MALRD1: variants seen among roughly 807,000 people sequenced by gnomAD.
The protein encoded by MALRD1 is MAM and LDL receptor class A domain containing 1, also known as MAM and LDL-receptor class A domain-containing protein 1.
In MALRD1, 247 loss-of-function variants were observed where a neutral mutation model predicts 242.1. The ratio of observed to expected loss-of-function variants is 1.02; its 90% CI spans 0.92 to 1.13. MALRD1 has a LOEUF of 1.13. MALRD1 is among the 50% of genes most tolerant of loss of function. The pLI, the probability that MALRD1 is intolerant of heterozygous loss-of-function variation, is 0.00. For synonymous variants in MALRD1, 995 were observed against 866.6 expected (o/e 1.15, Z -2.60); for missense variants, 2,989 against 2,533.1 (o/e 1.18, Z -3.86).
intron 2 of MALRD1, among the ~76,000 whole-genome samples, chr10:19,076,008 A>G (rs188467627): frequency 1.3e-3 from 197 of 152,110 alleles, no homozygotes; most frequent in African/African-American, 4.6e-3. Flanking sequence ...GGAGACCTGG[A>G]TTCCCCTTAA....
At chr10:19,263,309 C>T (rs1839834482) in intron 19 of MALRD1, among the ~76,000 whole-genome samples, 1 of 152,158 alleles carries the variant, frequency 6.6e-6, no homozygotes, top group Non-Finnish European at 1.5e-5. Flanking sequence ...CACTAGCTAT[C>T]TTTTAACTTT....
intron 9 of MALRD1, among the ~76,000 whole-genome samples, chr10:19,135,988 A>T (rs12357088): frequency 0.078 from 11,886 of 152,282 alleles, 575 homozygotes; most frequent in Non-Finnish European, 0.11. Flanking sequence ...TTCTTTTCTC[A>T]TTAAAGAAAT....
At chr10:19,283,332 G>T (rs1840915889) in intron 21 of MALRD1, among the ~76,000 whole-genome samples, 151 bp downstream of exon 21, 1 of 152,076 alleles carries the variant, frequency 6.6e-6, no homozygotes, top group Non-Finnish European at 1.5e-5. Context: ...ATACAAAATG[G>T]AAAAATTATC....
intron 18 of MALRD1, among the ~76,000 whole-genome samples, chr10:19,245,045 C>T (rs1185657474): frequency 6.6e-6 from 1 of 152,114 alleles, no homozygotes; most frequent in East Asian, 1.9e-4. Context: ...CTGGAGCATA[C>T]CTCTTAGAAT....
intron 28 of MALRD1, among the ~76,000 whole-genome samples, chr10:19,423,785 C>T (rs11009835): frequency 0.076 from 11,597 of 152,190 alleles, 473 homozygotes; most frequent in East Asian, 0.13. Context: ...CCCTGAAGCA[C>T]TTCCTTCTGC....
At chr10:19,621,632 A>G (rs990605317) in intron 36 of MALRD1, among the ~76,000 whole-genome samples, 1 of 151,686 alleles carries the variant, frequency 6.6e-6, no homozygotes, top group African/African-American at 2.4e-5. Context: ...TAAAGAGGAA[A>G]ATGAAATAGT....
chr10:19,570,014 A>G (rs920721712), intron 33 of MALRD1, among the ~76,000 whole-genome samples: 8 of 152,048 alleles, frequency 5.3e-5, no homozygotes, highest in Admixed American at 2.6e-4. Flanking sequence ...TTGTGTGAAC[A>G]ACAACCTAAC....
intron 21 of MALRD1, among the ~76,000 whole-genome samples, chr10:19,286,965 A>G (rs1304512749): frequency 6.6e-6 from 1 of 151,658 alleles, no homozygotes; most frequent in Non-Finnish European, 1.5e-5. Flanking sequence ...CAAAAAGCTT[A>G]TCCACCATGA....
At chr10:19,341,432 CTATATGTA>C (rs1434585478) in intron 24 of MALRD1, among the ~76,000 whole-genome samples, 2 of 98,990 alleles carry the variant, frequency 2.0e-5, no homozygotes, top group East Asian at 5.1e-4. Context: ...TAAAATAACA[CTATATGTA>C]TATATATATA....
chr10:19,134,308 G>A (rs140733768), intron 9 of MALRD1, among the ~76,000 whole-genome samples: 403 of 152,318 alleles, frequency 2.6e-3, no homozygotes, highest in African/African-American at 9.2e-3. Context: ...TGTTTTGAAT[G>A]CAATAATTCA....
intron 21 of MALRD1, among the ~76,000 whole-genome samples, chr10:19,302,873 G>A (rs1368505738): frequency 6.6e-6 from 1 of 151,632 alleles, no homozygotes; most frequent in Non-Finnish European, 1.5e-5. Flanking sequence ...CTCAGATGAT[G>A]TGAAAATTAT....
chr10:19,681,796 TTCTC>T (rs904793997), intron 36 of MALRD1, among the ~76,000 whole-genome samples: 4 of 152,040 alleles, frequency 2.6e-5, no homozygotes, highest in Admixed American at 6.6e-5. Flanking sequence ...CTTCATGACT[TTCTC>T]TATCTTTTGT....
At chr10:19,331,116 T>C (rs114458242) in intron 23 of MALRD1, among the ~76,000 whole-genome samples, 1 of 152,216 alleles carries the variant, frequency 6.6e-6, no homozygotes, top group African/African-American at 2.4e-5. Context: ...TCTAGACCCA[T>C]ATCCTAAAAA....
chr10:19,297,684 G>A (rs2131945133), intron 21 of MALRD1, among the ~76,000 whole-genome samples: 1 of 151,838 alleles, frequency 6.6e-6, no homozygotes, highest in Non-Finnish European at 1.5e-5. Flanking sequence ...TACAAGATAT[G>A]AGAAATATTT....
intron 1 of MALRD1, among the ~76,000 whole-genome samples, chr10:19,063,639 G>C (rs1834886885): frequency 6.6e-6 from 1 of 152,024 alleles, no homozygotes; most frequent in African/African-American, 2.4e-5. Context: ...TGGCTACATA[G>C]TATTCCATGG....
chr10:19,162,621 C>T (rs1588633633), intron 12 of MALRD1, among the ~76,000 whole-genome samples: 1 of 152,098 alleles, frequency 6.6e-6, no homozygotes, highest in East Asian at 1.9e-4. Flanking sequence ...GAGATATCAT[C>T]TCACACCAGT....
At chr10:19,141,282 A>G (rs1833531895) in intron 10 of MALRD1, among the ~76,000 whole-genome samples, 1 of 152,200 alleles carries the variant, frequency 6.6e-6, no homozygotes, top group African/African-American at 2.4e-5. Context: ...AGCCAGAGAC[A>G]AAAGGACACA....
chr10:19,096,893 G>A (rs919063287), intron 4 of MALRD1, among the ~76,000 whole-genome samples: 7 of 152,228 alleles, frequency 4.6e-5, no homozygotes, highest in South Asian at 2.1e-4. Flanking sequence ...ACTCTCACCT[G>A]GGGGCTTTAT....
intron 26 of MALRD1, among the ~76,000 whole-genome samples, chr10:19,357,182 A>G (rs966610226): frequency 6.6e-6 from 1 of 152,050 alleles, no homozygotes; most frequent in Non-Finnish European, 1.5e-5. Flanking sequence ...ACCATGTTCT[A>G]GTGGATTAGA....
Sources: allele counts gnomAD v4.1 joint callset (sites outside exome capture counted in the v4.1 genomes callset), GRCh38; gene constraint gnomAD v4.1.1; transcripts MANE v1.5; gene names NCBI Gene and HGNC (gene_info 2026-07-23, HGNC 2026-07-21).